The following ARAP2 variants were observed in gnomAD, a reference collection of about 807,000 sequenced individuals.
The protein encoded by ARAP2 is arf-GAP with Rho-GAP domain, ANK repeat and PH domain-containing protein 2.
Under a neutral mutation model 194.5 loss-of-function variants are expected in ARAP2, and 148 were observed. The observed-to-expected ratio is 0.76, with a 90% CI of 0.67 to 0.87. ARAP2 has a LOEUF of 0.87. Ranked by LOEUF, ARAP2 falls within the 40% of genes least tolerant of loss-of-function variation. ARAP2 has a pLI of 0.00. For missense variants in ARAP2, 2,128 were observed against 1,989.7 expected (o/e 1.07, Z -1.32); for synonymous variants, 695 against 683.5 (o/e 1.02, Z -0.26).
chr4:36,160,538 T>C lies in ARAP2; in HGVS notation c.2363A>G (p.Asn788Ser). The change falls in exon 13 of 33, where the codon AAC becomes AGC. Residue 788 changes from asparagine to serine, a missense_variant. By Grantham distance (46) the Asn-to-Ser change is conservative. Transcript: ENST00000303965. ...TTCTTTATATTTCTGAGTAATAAAGTTTTTTCTCTTTTCTACTGGTGAGTC... is the reference window on the plus strand; with the variant it reads ...TTCTTTATATTTCTGAGTAATAAAGCTTTTTCTCTTTTCTACTGGTGAGTC... ...HMDSPVEKRK[N>S]FITQKYKEGK... 1 of 1,573,674 alleles carries C rather than the reference T, an allele frequency of 6.4e-7. No homozygotes were observed. The highest frequency in any genetic ancestry group is 8.6e-7 in the Non-Finnish European group (1 of 1,165,390).
chr4:36,103,991 A>G (rs1025344144), intron 27 of ARAP2, among the ~76,000 whole-genome samples: 2 of 151,938 alleles, frequency 1.3e-5, no homozygotes, highest in Admixed American at 6.6e-5. Flanking sequence ...TCAGGAAAAA[A>G]ACTCCTAAAA....
chr4:36,160,521 A>G lies in ARAP2; in HGVS notation c.2380T>C (p.Tyr794His). 3.2e-6 allele frequency: 5 copies of G among 1,569,228 alleles called. No homozygotes were observed. The highest frequency in any genetic ancestry group is 4.3e-6 in the Non-Finnish European group (5 of 1,163,480). ...GTTTTTCTGAATTTTCCTTCTTTAT[A>G]TTTCTGAGTAATAAAGTTTTTTCTC... is the stretch of plus-strand genomic sequence containing the variant. Reference protein sequence around the residue: ...EKRKNFITQKYKEGKFRKTLL... With the variant: ...EKRKNFITQKHKEGKFRKTLL... Residue 794 changes from tyrosine (Y) to histidine (H), a missense_variant, in exon 13 of 33, where the codon TAT becomes CAT. Tyr to His is a moderately conservative substitution (Grantham distance 83). Transcript: ENST00000303965.
chr4:36,202,317 T>C (rs929093711), intron 6 of ARAP2, among the ~76,000 whole-genome samples: 2 of 152,176 alleles, frequency 1.3e-5, no homozygotes, highest in African/African-American at 2.4e-5. Flanking sequence ...AATATTTCTA[T>C]AAAATGCCAG....
intron 19 of ARAP2, among the ~76,000 whole-genome samples, chr4:36,138,292 T>A (rs1727335288): frequency 6.6e-6 from 1 of 151,706 alleles, no homozygotes; most frequent in Admixed American, 6.6e-5. Context: ...TGTACACTTG[T>A]GTAACTACCA....
chr4:36,209,611 T>G (rs933775388), intron 6 of ARAP2, among the ~76,000 whole-genome samples: 2 of 152,126 alleles, frequency 1.3e-5, no homozygotes, highest in African/African-American at 4.8e-5. Context: ...TTCAAGAGAA[T>G]AGGAGTGAAA....
chr4:36,177,822 C>A lies in ARAP2; in HGVS notation c.1857+5G>T. On this transcript the variant is annotated splice_donor_5th_base_variant and intron_variant, in intron 9 of 32. Transcript: ENST00000303965. ...GCAATTTGCAATGACTATAACAGAG[C>A]TCACCTGTTCGTTTTTGCAAAGCCA... The A allele has an allele frequency of 6.3e-7, 1 of 1,594,400 alleles. No homozygotes were observed. Among genetic ancestry groups the A allele is most frequent in the South Asian group, 1.1e-5 (1 of 87,274 alleles).
At chr4:36,077,078 T>A (rs1001861772) in intron 31 of ARAP2, among the ~76,000 whole-genome samples, 1 of 152,046 alleles carries the variant, frequency 6.6e-6, no homozygotes, top group Non-Finnish European at 1.5e-5. Flanking sequence ...CAGCCTGCAA[T>A]CTAGGAGCTT....
intron 8 of ARAP2, among the ~76,000 whole-genome samples, chr4:36,182,861 G>C (rs1379782990): frequency 6.6e-6 from 1 of 152,160 alleles, no homozygotes; most frequent in South Asian, 2.1e-4. Flanking sequence ...TGGGAATTTT[G>C]ATATGCCAAG....
chr4:36,140,789 A>G (rs1375276291), intron 19 of ARAP2, among the ~76,000 whole-genome samples: 1 of 151,702 alleles, frequency 6.6e-6, no homozygotes, highest in Non-Finnish European at 1.5e-5. Flanking sequence ...CCCAGTATTA[A>G]GCTTCTTTAT....
intron 9 of ARAP2, among the ~76,000 whole-genome samples, chr4:36,168,762 T>C (rs2109813882): frequency 6.6e-6 from 1 of 152,196 alleles, no homozygotes; most frequent in Non-Finnish European, 1.5e-5. Flanking sequence ...ATCAGTGATA[T>C]AAAAGAAAAG....
intron 1 of ARAP2, among the ~76,000 whole-genome samples, chr4:36,241,823 C>T (rs952258127): frequency 6.6e-6 from 1 of 152,104 alleles, no homozygotes; most frequent in African/African-American, 2.4e-5. Flanking sequence ...GTGGCCCCAT[C>T]ATCCTTCATG....
chr4:36,128,795 C>T, intron 20 of ARAP2, 50 bp from the exon 21 acceptor site: 2 of 1,405,240 alleles, frequency 1.4e-6, no homozygotes, highest in South Asian at 1.3e-5. Context: ...ATTCAAAAGC[C>T]AGTTTGATAT....
chr4:36,238,521 A>G (rs1044206531), intron 1 of ARAP2, among the ~76,000 whole-genome samples: 4 of 152,222 alleles, frequency 2.6e-5, no homozygotes, highest in Non-Finnish European at 5.9e-5. Flanking sequence ...GGTAGCAAAG[A>G]CTTAATAGTC....
chr4:36,240,116 C>T (rs1302953000), intron 1 of ARAP2, among the ~76,000 whole-genome samples: 4 of 152,028 alleles, frequency 2.6e-5, no homozygotes, highest in Non-Finnish European at 4.4e-5. Context: ...TACCCTATAT[C>T]GTATAGTATT....
chr4:36,029,539 A>C (rs1718558229), intron 5 of ARAP2, among the ~76,000 whole-genome samples: 1 of 152,026 alleles, frequency 6.6e-6, no homozygotes. Context: ...ACATAGAATT[A>C]TATTTTGGTT....
At chr4:36,060,165 T>A (rs138642470) in intron 1 of ARAP2, among the ~76,000 whole-genome samples, 1 of 152,270 alleles carries the variant, frequency 6.6e-6, no homozygotes, top group East Asian at 1.9e-4. Flanking sequence ...TGTGTCTCTG[T>A]AGTCTAGTGT....
At chr4:36,118,338 T>G (rs1402366651) in intron 24 of ARAP2, among the ~76,000 whole-genome samples, 1 of 133,382 alleles carries the variant, frequency 7.5e-6, no homozygotes, top group Non-Finnish European at 1.7e-5. Flanking sequence ...ACTCATAGAA[T>G]GAAATAAAAA....
chr4:36,016,073 A>T (rs933741866), intron 6 of ARAP2: 1 of 152,226 alleles, frequency 6.6e-6, no homozygotes, highest in Non-Finnish European at 1.5e-5. Context: ...AGATACACAC[A>T]TTAGAGTACA....
intron 27 of ARAP2, among the ~76,000 whole-genome samples, chr4:36,092,836 TA>T (rs951268838): frequency 4.5e-4 from 68 of 152,188 alleles, no homozygotes; most frequent in Non-Finnish European, 6.5e-4. Context: ...AATGCGCAGA[TA>T]AAAAAGGAAA....
Sources: gnomAD v4.1 joint callset for allele counts (sites outside exome capture counted in the v4.1 genomes callset) on GRCh38, gnomAD v4.1.1 for gene constraint, MANE v1.5 for transcripts, NCBI Gene and HGNC (gene_info 2026-07-23, HGNC 2026-07-21) for gene names.